Variants in FRMD4A observed in about 807,000 individuals in gnomAD.
FRMD4A encodes the protein FERM domain-containing protein 4A.
In FRMD4A, 29 loss-of-function variants were observed where a neutral mutation model predicts 129.1. The ratio of observed to expected loss-of-function variants is 0.22; its 90% CI spans 0.17 to 0.31. The LOEUF is 0.31. Ranked by LOEUF, FRMD4A falls within the 10% of genes least tolerant of loss-of-function variation. The pLI, the probability that FRMD4A is intolerant of heterozygous loss-of-function variation, is 1.00. For synonymous variants in FRMD4A, 634 were observed against 571.6 expected, an observed-to-expected ratio of 1.11 and a Z score of -1.56; for missense variants, 1,272 against 1,375.8, an observed-to-expected ratio of 0.92 and a Z score of 1.19.
At chr10:13,972,442 G>C (rs1261023946) in intron 2 of FRMD4A, 1 of 291,714 alleles carries the variant, frequency 3.4e-6, no homozygotes, top group Non-Finnish European at 5.1e-6. Context: ...GGTTGGGATT[G>C]AAATGGCTGG....
chr10:13,973,898 A>C (rs542227725), intron 2 of FRMD4A, among the ~76,000 whole-genome samples: 107 of 152,090 alleles, frequency 7.0e-4, no homozygotes, highest in Non-Finnish European at 1.3e-4. Flanking sequence ...CACATGCAAG[A>C]TATATTATAG....
At chr10:13,874,403 C>A (rs2094469905) in intron 2 of FRMD4A, among the ~76,000 whole-genome samples, 2 of 151,818 alleles carry the variant, frequency 1.3e-5, no homozygotes, top group African/African-American at 4.8e-5. Flanking sequence ...ATTTTAAAAC[C>A]AGGTAGATGA....
intron 14 of FRMD4A, among the ~76,000 whole-genome samples, chr10:13,694,803 T>C (rs1297292413): frequency 2.0e-5 from 3 of 151,094 alleles, no homozygotes; most frequent in East Asian, 2.0e-4. Flanking sequence ...GATTGCACCA[T>C]TGCACCCCAG....
Position 13,660,464 on chromosome 10 carries a change from G to C in FRMD4A, c.1750C>G (p.Pro584Ala). Reference sequence around the variant, plus strand: ...CGGAGTCCCTCCAGGGACTGGGGAGGAGGAGGCCTGTTGTGCGACGGTGGC... The same window carrying C: ...CGGAGTCCCTCCAGGGACTGGGGAGCAGGAGGCCTGTTGTGCGACGGTGGC... ...PRPPSHNRPP[P>A]PQSLEGLRQM... Residue 584 changes from proline to alanine, a missense_variant, in exon 20 of 25, where the codon CCT (proline) becomes GCT (alanine). Pro to Ala is a conservative substitution (Grantham distance 27). Around this residue, in one of 2 missense-constraint regions of FRMD4A, gnomAD observed 972 missense variants for 892.3 expected, o/e 1.09. Transcript: ENST00000357447. The C allele has an allele frequency of 6.2e-7, 1 of 1,614,146 alleles. No individual in the cohort carries two copies. The highest frequency in any genetic ancestry group is 1.1e-5 in the South Asian group (1 of 91,080).
At chr10:13,890,415 T>C (rs948775183) in intron 2 of FRMD4A, 9 of 485,902 alleles carry the variant, frequency 1.9e-5, no homozygotes, top group African/African-American at 1.3e-4. Flanking sequence ...CAGCAGTTTG[T>C]CCCGGGCTCT....
chr10:14,087,639 T>C (rs963411735), intron 2 of FRMD4A: 2 of 152,170 alleles, frequency 1.3e-5, no homozygotes, highest in African/African-American at 4.8e-5. Flanking sequence ...AAACCCAGCC[T>C]TCTGAGTTGA....
chr10:14,153,302 A>T (rs1840433369), intron 2 of FRMD4A, among the ~76,000 whole-genome samples: 2 of 152,196 alleles, frequency 1.3e-5, no homozygotes. Flanking sequence ...CTCCACATGG[A>T]TGCTAACTTT....
chr10:14,031,731 C>G (rs1276337548), intron 2 of FRMD4A, among the ~76,000 whole-genome samples: 1 of 152,092 alleles, frequency 6.6e-6, no homozygotes, highest in African/African-American at 2.4e-5. Flanking sequence ...GTGACGACTA[C>G]TACCATTGCA....
rs566831750 is a variant in FRMD4A at position 14,211,105 on chromosome 10, TC to T, written c.45+118952del. ...TTAGTTTAGAAGAACTAGGTTCCTA[TC>T]CCCCCATCTCACTTCCCTGGTATAA... On this transcript the variant is annotated intron_variant, in intron 2 of 24. Coordinates refer to ENST00000357447, the MANE Select transcript of FRMD4A (RefSeq NM_018027.5). Among the ~76,000 whole-genome samples the T allele has an allele frequency of 1.4e-4, 22 of 152,202 alleles. No individual in the cohort carries two copies. In the South Asian group the frequency reaches 4.6e-3, roughly 32 times the overall value.
chr10:14,072,202 C>G lies in FRMD4A; in HGVS notation c.46-213290G>C, dbSNP rs1835349469. On this transcript the variant is annotated intron_variant, in intron 2 of 24. Transcript: ENST00000357447. Reference sequence around the variant, plus strand: ...CAGCTGAACAACGAGAGTTTTATGGCTAAATGGATATGAAGACACGAGGCA... The same window carrying G: ...CAGCTGAACAACGAGAGTTTTATGGGTAAATGGATATGAAGACACGAGGCA... Among the ~76,000 whole-genome samples the G allele has an allele frequency of 2.0e-5, 3 of 152,024 alleles. No homozygotes were observed. The South Asian group carries it at 6.2e-4, about 32-fold the overall frequency.
At chr10:13,875,437 G>A (rs948282890) in intron 2 of FRMD4A, among the ~76,000 whole-genome samples, 2 of 152,186 alleles carry the variant, frequency 1.3e-5, no homozygotes, top group African/African-American at 4.8e-5. Flanking sequence ...GACATAGCAG[G>A]CATGCATATC....
At chr10:13,964,970 CA>C (rs1286471699) in intron 2 of FRMD4A, among the ~76,000 whole-genome samples, 6 of 152,078 alleles carry the variant, frequency 3.9e-5, no homozygotes, top group Non-Finnish European at 5.9e-5. Context: ...AGGCGTGAGC[CA>C]CTGCGCCTGG....
intron 2 of FRMD4A, among the ~76,000 whole-genome samples, chr10:14,215,975 G>A (rs926368829): frequency 1.3e-5 from 2 of 151,912 alleles, no homozygotes; most frequent in East Asian, 1.9e-4. Flanking sequence ...AAAAAACCAC[G>A]TTGTTTTCCT....
chr10:14,185,548 AAAGC>A (rs1457938152), intron 2 of FRMD4A, among the ~76,000 whole-genome samples: 3 of 152,346 alleles, frequency 2.0e-5, no homozygotes, highest in Admixed American at 2.0e-4. Context: ...CTTGAAACAT[AAAGC>A]AAGACTATTT....
chr10:13,778,999 C>T (rs1190701926), intron 6 of FRMD4A, among the ~76,000 whole-genome samples: 1 of 104,236 alleles, frequency 9.6e-6, no homozygotes, highest in Non-Finnish European at 2.0e-5. Context: ...ACACTCTGGG[C>T]TTTACATTTA....
intron 12 of FRMD4A, among the ~76,000 whole-genome samples, chr10:13,713,787 T>C (rs1408751258): frequency 7.5e-6 from 1 of 133,612 alleles, no homozygotes; most frequent in South Asian, 2.2e-4. Flanking sequence ...ATAATATATA[T>C]ACATATATGT....
intron 2 of FRMD4A, among the ~76,000 whole-genome samples, chr10:14,043,863 C>T (rs79180980): frequency 6.6e-6 from 1 of 152,142 alleles, no homozygotes; most frequent in Admixed American, 6.5e-5. Flanking sequence ...GTCTTGCCCT[C>T]TCGCCCAGAC....
chr10:14,091,248 T>A (rs1215644515), intron 2 of FRMD4A, among the ~76,000 whole-genome samples: 1 of 152,098 alleles, frequency 6.6e-6, no homozygotes, highest in Non-Finnish European at 1.5e-5. Context: ...TGTCTGTGCA[T>A]CTGTACAGCA....
chr10:13,752,450 G>T (rs1379316097), intron 8 of FRMD4A, among the ~76,000 whole-genome samples: 1 of 152,164 alleles, frequency 6.6e-6, no homozygotes, highest in African/African-American at 2.4e-5. Context: ...AAAAAACCTG[G>T]AAATAACTTT....
Sources: allele counts gnomAD v4.1 joint callset (sites outside exome capture counted in the v4.1 genomes callset), GRCh38; gene constraint gnomAD v4.1.1; regional missense constraint gnomAD v4.1.1; transcripts MANE v1.5; gene names NCBI Gene and HGNC (gene_info 2026-07-23, HGNC 2026-07-21).